The following ERC1 variants were observed in gnomAD, a reference collection of about 807,000 sequenced individuals.
The protein encoded by ERC1 is ELKS/RAB6-interacting/CAST family member 1.
A neutral mutation model predicts 132.0 loss-of-function variants in ERC1; 56 were observed. That is an observed-to-expected ratio of 0.42 (90% CI 0.34 to 0.53). The LOEUF is 0.53. ERC1 is among the 20% of genes least tolerant of loss of function. ERC1 has a pLI of 0.03. For missense variants in ERC1, 1,202 were observed against 1,349.9 expected (o/e 0.89, Z 1.72); for synonymous variants, 478 against 476.1 (o/e 1.00, Z -0.05).
intron 15 of ERC1, among the ~76,000 whole-genome samples, chr12:1,360,119 A>G (rs1199578343): frequency 1.3e-5 from 2 of 152,222 alleles, no homozygotes; most frequent in East Asian, 1.9e-4. Flanking sequence ...TTAAGAAGAC[A>G]TTCTGAGGCT....
intron 1 of ERC1, among the ~76,000 whole-genome samples, chr12:1,013,588 A>G (rs996743054): frequency 2.6e-5 from 4 of 152,132 alleles, no homozygotes; most frequent in Admixed American, 2.0e-4. Context: ...TTTAGTCTCT[A>G]GTCAGTATTG....
At position 1,083,028 on chromosome 12, in the gene ERC1, G is replaced by A. The variant is rs1015227428; in HGVS notation, c.670-136G>A. The A allele has an allele frequency of 4.2e-6, 3 of 719,252 alleles. No individual in the cohort carries two copies. In the African/African-American group the frequency reaches 5.3e-5, roughly 13 times the overall value. 44.6% of individuals were successfully genotyped at this position (719,252 alleles called of 1,614,324 possible). ...TATCTCAATCATTTTTTAAGGACCT[G>A]TAAAACAGAATAAGGTGAATCCTAA... On this transcript the variant is annotated intron_variant, in intron 2 of 18. Transcript: ENST00000360905.
At chr12:1,245,244 T>C (rs753864850) in intron 13 of ERC1, among the ~76,000 whole-genome samples, 22 of 152,084 alleles carry the variant, frequency 1.4e-4, no homozygotes, top group Non-Finnish European at 2.8e-4. Context: ...CATTTTTCTC[T>C]TCTGTTCCTC....
At chr12:1,408,806 G>T (rs2091669025) in intron 17 of ERC1, among the ~76,000 whole-genome samples, 1 of 152,190 alleles carries the variant, frequency 6.6e-6, no homozygotes, top group Non-Finnish European at 1.5e-5. Context: ...ATGCAAAAGA[G>T]ATATTGATGA....
upstream of ERC1, chr12:990,707 C>T (rs934317795): frequency 6.6e-6 from 1 of 152,178 alleles, no homozygotes; most frequent in African/African-American, 2.4e-5. Flanking sequence ...GACAAAGCGT[C>T]CCCCCAGCAG....
In ERC1 at chr12:1,306,985, G is replaced by T. The variant is rs184917024; in HGVS notation, c.2780+16973G>T. On this transcript the variant is annotated intron_variant, in intron 15 of 18. Transcript: ENST00000360905. Reference sequence around the variant, plus strand: ...GCACATGCCCTCTTCTTCCCAGCTGGCATCCTGGGAAGTGCTGACGGGCTC... The same window carrying T: ...GCACATGCCCTCTTCTTCCCAGCTGTCATCCTGGGAAGTGCTGACGGGCTC... Among the ~76,000 whole-genome samples, 408 of 152,238 alleles carry T rather than the reference G, an allele frequency of 2.7e-3. 2 individuals carry two copies. Among genetic ancestry groups the T allele is most frequent in the Middle Eastern group, 0.014 (4 of 294 alleles).
chr12:1,019,384 C>T (rs754146065), intron 1 of ERC1, among the ~76,000 whole-genome samples: 28 of 152,134 alleles, frequency 1.8e-4, no homozygotes, highest in Non-Finnish European at 2.9e-5. Flanking sequence ...CTCGGGTTCC[C>T]GAAGTGCTGG....
At chr12:1,480,839 A>G (rs1216038438) in intron 18 of ERC1, 6 of 702,424 alleles carry the variant, frequency 8.5e-6, no homozygotes, top group Middle Eastern at 4.6e-4. Context: ...CAACTTATCC[A>G]CAGAATCCGT....
In ERC1 at chr12:1,274,480, T is replaced by TTTATTTTATTTATTTA. The variant is rs1555340355; in HGVS notation, c.2619+11317_2619+11318insATTTTATTTATTTATT. On this transcript the variant is annotated intron_variant, in intron 14 of 18. Coordinates refer to ENST00000360905, the MANE Select transcript of ERC1 (RefSeq NM_178040.4). ...ATCTCGTCTATTTTATTTTATTTTATTTTATTTATTTATTTATTTATTTAT... is the reference window on the plus strand; with the variant it reads ...ATCTCGTCTATTTTATTTTATTTTATTTATTTTATTTATTTATTTATTTATTTATTTATTTATTTAT... Among the ~76,000 whole-genome samples, 292 of 150,222 alleles carry TTTATTTTATTTATTTA rather than the reference T, an allele frequency of 1.9e-3. 2 individuals are homozygous for TTTATTTTATTTATTTA. Among genetic ancestry groups the TTTATTTTATTTATTTA allele is most frequent in the African/African-American group, 6.9e-3 (279 of 40,482 alleles).
chr12:1,117,371 T>C (rs962643407), intron 7 of ERC1, among the ~76,000 whole-genome samples: 2 of 152,232 alleles, frequency 1.3e-5, no homozygotes, highest in African/African-American at 2.4e-5. Flanking sequence ...AATGGGAGAT[T>C]TTAGCTGACA....
intron 15 of ERC1, among the ~76,000 whole-genome samples, chr12:1,335,980 G>A (rs933906335): frequency 3.3e-5 from 5 of 152,032 alleles, no homozygotes; most frequent in Admixed American, 6.6e-5. Context: ...TTTCTTCCTG[G>A]TTCAGTCTTG....
Position 1,440,302 on chromosome 12 carries a change from T to C in ERC1, c.3025-4260T>C, listed in dbSNP as rs867046178. On this transcript the variant is annotated intron_variant, in intron 17 of 18. Coordinates refer to ENST00000360905, the MANE Select transcript of ERC1 (RefSeq NM_178040.4). ...TCACTGCAAGCTCCGCCTCCTGGGT[T>C]CACGCCATTCTCCTGCCTCAGCCTC... Among the ~76,000 whole-genome samples, 294 of 147,506 alleles carry C rather than the reference T, an allele frequency of 2.0e-3. 3 individuals carry two copies. Among genetic ancestry groups the C allele is most frequent in the African/African-American group, 7.0e-3 (270 of 38,772 alleles).
At chr12:1,011,364 C>T (rs573176000) in intron 1 of ERC1, among the ~76,000 whole-genome samples, 11 of 152,154 alleles carry the variant, frequency 7.2e-5, no homozygotes, top group Non-Finnish European at 1.3e-4. Context: ...CCACCATGCC[C>T]GGCTAATTAA....
At position 1,236,742 on chromosome 12, in the gene ERC1, G is replaced by A. The variant is rs370162044; in HGVS notation, c.2352-27G>A. On this transcript the variant is annotated intron_variant, in intron 12 of 18. Coordinates refer to ENST00000360905, the MANE Select transcript of ERC1 (RefSeq NM_178040.4). ...TTGTTTCTATACATACATATGCAAA[G>A]CTTGATTTTTCTCCTTCTGTCATTA... is the stretch of plus-strand genomic sequence containing the variant. 4.4e-6 allele frequency: 7 copies of A among 1,606,790 alleles called. No homozygotes were observed. In the Admixed American group the frequency reaches 6.8e-5, roughly 16 times the overall value.
chr12:1,243,711 G>A (rs1183656010), intron 13 of ERC1, among the ~76,000 whole-genome samples: 2 of 152,156 alleles, frequency 1.3e-5, no homozygotes, highest in African/African-American at 4.8e-5. Context: ...GGTGCTACCG[G>A]CATCTAGTGA....
intron 1 of ERC1, among the ~76,000 whole-genome samples, chr12:1,025,375 C>T (rs1221538704): frequency 6.6e-6 from 1 of 152,160 alleles, no homozygotes; most frequent in Non-Finnish European, 1.5e-5. Context: ...GTTTACAGAT[C>T]ATTATACTTA....
In ERC1 at chr12:991,247, C is replaced by CGGTGGCGGCGGCGGCAGT; in HGVS notation, c.-230_-229insTGGCGGCGGCGGCAGTGG. 6.3e-6 allele frequency: 1 copy of CGGTGGCGGCGGCGGCAGT among 158,130 alleles called. No individual in the cohort carries two copies. Among genetic ancestry groups the CGGTGGCGGCGGCGGCAGT allele is most frequent in the Non-Finnish European group, 1.3e-5 (1 of 76,422 alleles). 9.8% of individuals were successfully genotyped at this position (158,130 alleles called of 1,614,324 possible). ...CGCGGGCGCCTGGGCCGTGCTGTGG[C>CGGTGGCGGCGGCGGCAGT]GGCGGCGGCGGCGGTAGTGGCGGCG... On this transcript the variant is annotated 5_prime_UTR_variant, in exon 1 of 19. Coordinates refer to ENST00000360905, the MANE Select transcript of ERC1 (RefSeq NM_178040.4).
chr12:1,313,889 C>T (rs1311234967), intron 15 of ERC1, among the ~76,000 whole-genome samples: 1 of 152,068 alleles, frequency 6.6e-6, no homozygotes, highest in Admixed American at 6.6e-5. Context: ...GAGGCTGAGG[C>T]AGGAGAATTG....
intron 15 of ERC1, among the ~76,000 whole-genome samples, chr12:1,319,753 G>A (rs977595397): frequency 1.3e-5 from 2 of 152,068 alleles, no homozygotes; most frequent in Non-Finnish European, 2.9e-5. Context: ...GAAAATGAAA[G>A]CCTCAGAATT....
Sources: gnomAD v4.1 joint callset for allele counts (sites outside exome capture counted in the v4.1 genomes callset) on GRCh38, gnomAD v4.1.1 for gene constraint, MANE v1.5 for transcripts, NCBI Gene and HGNC (gene_info 2026-07-23, HGNC 2026-07-21) for gene names.